Variants in NCAM2 observed in about 807,000 individuals in gnomAD.
NCAM2 encodes neural cell adhesion molecule 2, also known as N-CAM-2.
In NCAM2, 30 loss-of-function variants were observed where a neutral mutation model predicts 98.1. The ratio of observed to expected loss-of-function variants is 0.31; its 90% CI spans 0.23 to 0.41. The LOEUF is 0.41. NCAM2 is among the 10% of genes least tolerant of loss of function. NCAM2 has a pLI of 1.00. For synonymous variants in NCAM2, 368 were observed against 342.4 expected, an observed-to-expected ratio of 1.07 and a Z score of -0.83; for missense variants, 867 against 1,005.8, an observed-to-expected ratio of 0.86 and a Z score of 1.87.
intron 1 of NCAM2, among the ~76,000 whole-genome samples, chr21:21,113,906 T>G (rs1833719397): frequency 6.6e-6 from 1 of 152,180 alleles, no homozygotes; most frequent in African/African-American, 2.4e-5. Flanking sequence ...TCTATTTGTA[T>G]GACCTCAGCT....
intron 1 of NCAM2, among the ~76,000 whole-genome samples, chr21:21,062,668 C>T (rs8128301): frequency 0.037 from 5,701 of 152,154 alleles, 331 homozygotes; most frequent in African/African-American, 0.13. Context: ...TCCTAGCAAA[C>T]GAATGCACCA....
intron 1 of NCAM2, among the ~76,000 whole-genome samples, chr21:21,140,877 T>C (rs1354046885): frequency 2.0e-5 from 3 of 152,130 alleles, no homozygotes; most frequent in Admixed American, 1.3e-4. Context: ...GAGGCCAGAG[T>C]GTAGCAGTTA....
At chr21:21,442,689 T>C (rs1979480574) in intron 12 of NCAM2, among the ~76,000 whole-genome samples, 1 of 152,082 alleles carries the variant, frequency 6.6e-6, no homozygotes, top group African/African-American at 2.4e-5. Flanking sequence ...AAAAGGCCCA[T>C]AGACTGAGCC....
At chr21:21,160,153 A>G (rs539597399) in intron 1 of NCAM2, among the ~76,000 whole-genome samples, 66 of 152,180 alleles carry the variant, frequency 4.3e-4, no homozygotes, top group African/African-American at 1.5e-3. Context: ...AACTGTTACT[A>G]TATTTTATTT....
intron 1 of NCAM2, among the ~76,000 whole-genome samples, chr21:21,071,037 A>C (rs2146363589): frequency 6.6e-6 from 1 of 152,278 alleles, no homozygotes; most frequent in South Asian, 2.1e-4. Flanking sequence ...AATTAAATTG[A>C]GGGTTATTAA....
chr21:21,094,484 A>C (rs932244477), intron 1 of NCAM2, among the ~76,000 whole-genome samples: 1 of 151,974 alleles, frequency 6.6e-6, no homozygotes, highest in East Asian at 1.9e-4. Flanking sequence ...GTATAATAAT[A>C]GTTTATCTAG....
intron 5 of NCAM2, among the ~76,000 whole-genome samples, chr21:21,320,904 C>T (rs944241981): frequency 6.6e-6 from 1 of 152,102 alleles, no homozygotes; most frequent in Admixed American, 6.5e-5. Flanking sequence ...AATGTGGCTT[C>T]CCAGGTGTTT....
At chr21:21,422,793 G>T (rs2077137627) in intron 11 of NCAM2, among the ~76,000 whole-genome samples, 1 of 152,030 alleles carries the variant, frequency 6.6e-6, no homozygotes. Context: ...CCTAGGTGTT[G>T]ATCCTGCTTT....
chr21:21,453,449 C>T (rs1336215168), intron 12 of NCAM2, among the ~76,000 whole-genome samples: 1 of 151,932 alleles, frequency 6.6e-6, no homozygotes, highest in Non-Finnish European at 1.5e-5. Context: ...AGCCAATGTC[C>T]CATGGGGCCT....
intron 7 of NCAM2, among the ~76,000 whole-genome samples, chr21:21,337,773 A>T (rs1033206736): frequency 2.6e-5 from 4 of 151,938 alleles, no homozygotes; most frequent in African/African-American, 9.7e-5. Flanking sequence ...TGTCTAGTAT[A>T]TTGTTAAGTA....
intron 12 of NCAM2, among the ~76,000 whole-genome samples, chr21:21,452,004 T>C (rs1013859398): frequency 6.6e-6 from 1 of 152,066 alleles, no homozygotes; most frequent in African/African-American, 2.4e-5. Flanking sequence ...ATTCTACAAA[T>C]ATTTGTCCTG....
intron 5 of NCAM2, among the ~76,000 whole-genome samples, chr21:21,297,028 T>TA (rs1456234574): frequency 1.3e-5 from 2 of 151,496 alleles, no homozygotes; most frequent in Admixed American, 6.6e-5. Context: ...GGATGAAAGC[T>TA]AAAAAAAAGT....
chr21:21,491,460 C>T (rs1166120971), intron 15 of NCAM2, among the ~76,000 whole-genome samples: 1 of 151,732 alleles, frequency 6.6e-6, no homozygotes, highest in Non-Finnish European at 1.5e-5. Flanking sequence ...AATTGATTAA[C>T]ATTCTGTGCT....
chr21:21,419,722 G>A (rs112845758), intron 11 of NCAM2, among the ~76,000 whole-genome samples: 37,988 of 151,604 alleles, frequency 0.25, 4,921 homozygotes, highest in East Asian at 0.46. Flanking sequence ...AGTATTCCAT[G>A]GTGTATATGT....
At chr21:21,038,333 A>G (rs901934324) in intron 1 of NCAM2, among the ~76,000 whole-genome samples, 3 of 152,200 alleles carry the variant, frequency 2.0e-5, no homozygotes, top group Non-Finnish European at 4.4e-5. Context: ...GAAAAAACAT[A>G]TTTGTTGTTT....
In NCAM2 at chr21:21,177,255, T is replaced by C. The variant is rs545657387; in HGVS notation, c.56-103323T>C. On this transcript the variant is annotated intron_variant, in intron 1 of 17. Transcript: ENST00000400546. Reference sequence around the variant, plus strand: ...TTATATCCTACAAATAAATCAGTGTTAAACCCTGTTTGTTATTTTCTTTTG... The same window carrying C: ...TTATATCCTACAAATAAATCAGTGTCAAACCCTGTTTGTTATTTTCTTTTG... Among the ~76,000 whole-genome samples the C allele has an allele frequency of 5.9e-5, 9 of 152,228 alleles. No individual in the cohort carries two copies. The East Asian group carries it at 1.2e-3, about 20-fold the overall frequency.
At chr21:21,118,333 G>A (rs1290364013) in intron 1 of NCAM2, among the ~76,000 whole-genome samples, 3 of 151,592 alleles carry the variant, frequency 2.0e-5, no homozygotes, top group Admixed American at 1.3e-4. Context: ...AAGATGCAGC[G>A]GGGGGGCAGG....
chr21:21,179,289 A>G (rs1409823107), intron 1 of NCAM2, among the ~76,000 whole-genome samples: 2 of 152,030 alleles, frequency 1.3e-5, no homozygotes, highest in African/African-American at 2.4e-5. Flanking sequence ...TCTACTAACT[A>G]TATTTGCTGA....
intron 1 of NCAM2, among the ~76,000 whole-genome samples, chr21:21,073,656 A>G (rs1225480332): frequency 6.6e-6 from 1 of 152,162 alleles, no homozygotes; most frequent in Non-Finnish European, 1.5e-5. Context: ...TTTTCACTGT[A>G]CCTTTAACAT....
Sources: gnomAD v4.1 joint callset for allele counts (sites outside exome capture counted in the v4.1 genomes callset) on GRCh38, gnomAD v4.1.1 for gene constraint, MANE v1.5 for transcripts, NCBI Gene and HGNC (gene_info 2026-07-23, HGNC 2026-07-21) for gene names.